ARIH1: variants seen among roughly 807,000 people sequenced by gnomAD.
The protein encoded by ARIH1 is E3 ubiquitin-protein ligase ARIH1.
ARIH1 carries 8 observed loss-of-function variants against 85.0 expected under a neutral mutation model. The ratio of observed to expected loss-of-function variants is 0.09; its 90% CI spans 0.06 to 0.17. ARIH1 has a LOEUF of 0.17. ARIH1 is among the 10% of genes least tolerant of loss of function. ARIH1 has a pLI of 1.00. For missense variants in ARIH1, 311 were observed against 718.1 expected (o/e 0.43, Z 6.48); for synonymous variants, 238 against 253.6 (o/e 0.94, Z 0.59).
chr15:72,475,126 C>T (rs2063789213), intron 1 of ARIH1, 112 bp downstream of exon 1: 1 of 1,447,632 alleles, frequency 6.9e-7, no homozygotes, highest in Non-Finnish European at 9.2e-7. Flanking sequence ...TAGCCCGGTG[C>T]CTCCCGGCCT....
chr15:72,519,871 G>A (rs1400045226), intron 2 of ARIH1, among the ~76,000 whole-genome samples: 1 of 152,060 alleles, frequency 6.6e-6, no homozygotes, highest in Non-Finnish European at 1.5e-5. Flanking sequence ...CCTCTACTAG[G>A]AGAAAGAGTT....
chr15:72,489,048 G>T (rs2063848434), intron 1 of ARIH1, among the ~76,000 whole-genome samples: 1 of 152,092 alleles, frequency 6.6e-6, no homozygotes, highest in Non-Finnish European at 1.5e-5. Flanking sequence ...TTTGAGACCA[G>T]CCTGGGCTAC....
At chr15:72,510,769 A>AAAAAAAC (rs2063947395) in intron 1 of ARIH1, among the ~76,000 whole-genome samples, 1 of 133,302 alleles carries the variant, frequency 7.5e-6, no homozygotes, top group Non-Finnish European at 1.6e-5. Context: ...AAAAAAAAAA[A>AAAAAAAC]AGACTTTTTC....
rs71134002 is a variant in ARIH1 at position 72,506,351 on chromosome 15, C to CAA, written c.376-11703_376-11702dup. ...GGCGACAGAGCAAGACTCCGTCTCA[C>CAA]AAAAAAAAAAAAAAGAAAAAAAAAA... On this transcript the variant is annotated intron_variant, in intron 1 of 13. Transcript: ENST00000379887. Among the ~76,000 whole-genome samples the CAA allele has an allele frequency of 3.4e-4, 25 of 73,094 alleles. 1 individual carries two copies. Among genetic ancestry groups the CAA allele is most frequent in the East Asian group, 5.1e-4 (1 of 1,976 alleles). 48.0% of individuals were successfully genotyped at this position (73,094 alleles called of 152,430 possible).
At chr15:72,525,680 A>G (rs2064024375) in intron 2 of ARIH1, among the ~76,000 whole-genome samples, 1 of 152,190 alleles carries the variant, frequency 6.6e-6, no homozygotes, top group African/African-American at 2.4e-5. Context: ...GAAGTGAAAA[A>G]AACCCACAGT....
At chr15:72,495,368 C>A (rs543890032) in intron 1 of ARIH1, among the ~76,000 whole-genome samples, 1 of 152,264 alleles carries the variant, frequency 6.6e-6, no homozygotes, top group African/African-American at 2.4e-5. Context: ...CATGGTATAT[C>A]TCAAGTTGTC....
intron 11 of ARIH1, among the ~76,000 whole-genome samples, chr15:72,578,171 T>C (rs551984788): frequency 8.5e-5 from 13 of 152,354 alleles, no homozygotes; most frequent in African/African-American, 3.1e-4. Context: ...TTCTTTGCCA[T>C]ATCCACAGTC....
At chr15:72,530,996 C>A (rs766804594) in intron 2 of ARIH1, among the ~76,000 whole-genome samples, 7 of 152,088 alleles carry the variant, frequency 4.6e-5, no homozygotes, top group Non-Finnish European at 8.8e-5. Flanking sequence ...TGGTAAAAGA[C>A]CCAAATGTCA....
intron 2 of ARIH1, among the ~76,000 whole-genome samples, chr15:72,526,028 A>C (rs1020015376): frequency 4.6e-5 from 7 of 152,194 alleles, no homozygotes; most frequent in African/African-American, 1.7e-4. Context: ...AGAAAAGGTA[A>C]GCAATATACC....
At chr15:72,510,594 G>A (rs999472639) in intron 1 of ARIH1, among the ~76,000 whole-genome samples, 4 of 151,340 alleles carry the variant, frequency 2.6e-5, no homozygotes, top group Non-Finnish European at 5.9e-5. Flanking sequence ...AAAATTAGGC[G>A]GGCTTGGTGG....
chr15:72,553,236 A>G (rs1264766696), intron 3 of ARIH1, among the ~76,000 whole-genome samples: 2 of 152,178 alleles, frequency 1.3e-5, no homozygotes, highest in Admixed American at 6.5e-5. Context: ...TTTTTAAAAG[A>G]CATAATCCTC....
rs1233175182 is a variant in ARIH1 at position 72,589,013 on chromosome 15, G to A, written c.*5721G>A. 6.6e-6 allele frequency: 1 copy of A among 152,128 alleles called. No individual in the cohort carries two copies. Among genetic ancestry groups the A allele is most frequent in the Admixed American group, 6.5e-5 (1 of 15,268 alleles). The allele number at this position is 152,128 out of a possible 1,614,324, so 9.4% of individuals were successfully genotyped here. ...TGATAATCTTGTATTTTTATTTCAA[G>A]TGTGGTATAGTAGTAAGAATATTGG... On this transcript the variant is annotated 3_prime_UTR_variant, in exon 14 of 14. Coordinates refer to ENST00000379887, the MANE Select transcript of ARIH1 (RefSeq NM_005744.5).
At chr15:72,508,600 T>C (rs540727270) in intron 1 of ARIH1, among the ~76,000 whole-genome samples, 1 of 152,242 alleles carries the variant, frequency 6.6e-6, no homozygotes, top group Non-Finnish European at 1.5e-5. Flanking sequence ...TGAAATAATG[T>C]ATATAAAGTA....
chr15:72,487,835 A>C (rs1457328587), intron 1 of ARIH1, among the ~76,000 whole-genome samples: 2 of 152,218 alleles, frequency 1.3e-5, no homozygotes, highest in African/African-American at 4.8e-5. Context: ...TCAAAAGTCT[A>C]TCCCAGACTC....
chr15:72,536,533 G>C (rs2064082814), intron 2 of ARIH1, among the ~76,000 whole-genome samples: 2 of 152,236 alleles, frequency 1.3e-5, no homozygotes, highest in African/African-American at 4.8e-5. Context: ...TGAATGGGGG[G>C]GATGTAAGAG....
Position 72,474,601 on chromosome 15 carries a change from G to C in ARIH1, c.-39G>C. The C allele has an allele frequency of 6.7e-7, 1 of 1,488,924 alleles. No homozygotes were observed. Among genetic ancestry groups the C allele is most frequent in the Non-Finnish European group, 8.9e-7 (1 of 1,121,246 alleles). 92.2% of individuals were successfully genotyped at this position (1,488,924 alleles called of 1,614,324 possible). The stretch of plus-strand genomic sequence containing the variant: ...GCCTCGGCGTCCCCGCCCTCTCCCC[G>C]CCTCGGCCAGCGTCCGCCGGGCCCC... On this transcript the variant is annotated 5_prime_UTR_variant, in exon 1 of 14. Coordinates refer to ENST00000379887, the MANE Select transcript of ARIH1 (RefSeq NM_005744.5).
chr15:72,498,253 TA>T (rs1194768810), intron 1 of ARIH1, among the ~76,000 whole-genome samples: 3 of 143,390 alleles, frequency 2.1e-5, no homozygotes, highest in Non-Finnish European at 4.7e-5. Context: ...GTTTTTTTTT[TA>T]AATAAAAATG....
chr15:72,474,466 C>A lies in ARIH1; in HGVS notation c.-174C>A. On this transcript the variant is annotated 5_prime_UTR_variant, in exon 1 of 14. Transcript: ENST00000379887. ...CCTCCCTCCTCCGCGCCCTCCCCGC[C>A]GCCACCAGCCGTCAAACGCCAACCG... The A allele has an allele frequency of 1.2e-6, 1 of 839,948 alleles. No individual in the cohort carries two copies. The highest frequency in any genetic ancestry group is 1.7e-6 in the Non-Finnish European group (1 of 572,002). 52.0% of individuals were successfully genotyped at this position (839,948 alleles called of 1,614,324 possible).
chr15:72,499,977 C>T (rs544214734), intron 1 of ARIH1, among the ~76,000 whole-genome samples: 1 of 152,298 alleles, frequency 6.6e-6, no homozygotes, highest in South Asian at 2.1e-4. Context: ...CTTAATTTTC[C>T]TTCAAACTTG....
Sources: allele counts gnomAD v4.1 joint callset (sites outside exome capture counted in the v4.1 genomes callset), GRCh38; gene constraint gnomAD v4.1.1; transcripts MANE v1.5; gene names NCBI Gene and HGNC (gene_info 2026-07-23, HGNC 2026-07-21).